The following SLC6A7 variants were observed in gnomAD, a reference collection of about 807,000 sequenced individuals.
SLC6A7 encodes solute carrier family 6 member 7.
SLC6A7 carries 58 observed loss-of-function variants against 73.1 expected under a neutral mutation model. The ratio of observed to expected loss-of-function variants is 0.79; its 90% CI spans 0.64 to 0.99. SLC6A7 has a LOEUF of 0.99. SLC6A7 is among the 50% of genes least tolerant of loss of function. SLC6A7 has a pLI of 0.00. For missense variants in SLC6A7, 783 were observed against 831.4 expected, an observed-to-expected ratio of 0.94 and a Z score of 0.72; for synonymous variants, 338 against 338.7, an observed-to-expected ratio of 1.00 and a Z score of 0.02.
intron 6 of SLC6A7, among the ~76,000 whole-genome samples, chr5:150,201,503 A>C (rs542596370): frequency 6.6e-6 from 1 of 152,330 alleles, no homozygotes; most frequent in South Asian, 2.1e-4. Flanking sequence ...TCATTTTTGT[A>C]GTGAGAACAC....
chr5:150,203,027 T>C (rs141308724), intron 8 of SLC6A7, among the ~76,000 whole-genome samples: 5 of 151,578 alleles, frequency 3.3e-5, no homozygotes, highest in African/African-American at 4.9e-5. Context: ...TGAGCCAAGA[T>C]TGGGTCACTG....
chr5:150,202,496 G>A (rs1412768186), intron 7 of SLC6A7, 46 bp downstream of exon 7: 2 of 1,610,212 alleles, frequency 1.2e-6, no homozygotes, highest in Non-Finnish European at 1.7e-6. Context: ...AAAGCAGGGA[G>A]GAGAGTGGCT....
intron 13 of SLC6A7, among the ~76,000 whole-genome samples, chr5:150,206,920 C>A (rs1403182063): frequency 6.6e-6 from 1 of 152,234 alleles, no homozygotes; most frequent in African/African-American, 2.4e-5. Flanking sequence ...TGCCCTGCTG[C>A]CCTGTCCCAC....
At position 150,197,072 on chromosome 5, in the gene SLC6A7, G is replaced by A. The variant is rs1753068709; in HGVS notation, c.380G>A (p.Gly127Asp). ...GGCGCAGCCATGCTGCTCATCGTGGGCTTGGTGGCCATCTACTACAACATG... is the reference window on the plus strand; with the variant it reads ...GGCGCAGCCATGCTGCTCATCGTGGACTTGGTGGCCATCTACTACAACATG... ...GAGAAMLLIV[G>D]LVAIYYNMII... The change falls in exon 4 of 14, where the codon GGC becomes GAC. Residue 127 changes from glycine to aspartate, a missense_variant. Gly to Asp is a moderately conservative substitution (Grantham distance 94). Coordinates refer to ENST00000230671, the MANE Select transcript of SLC6A7 (RefSeq NM_014228.5). 2 of 1,614,080 alleles carry A rather than the reference G, an allele frequency of 1.2e-6. No individual in the cohort carries two copies. The highest frequency in any genetic ancestry group is 1.3e-5 in the African/African-American group (1 of 75,082).
chr5:150,209,644 G>A lies in SLC6A7; in HGVS notation c.*29G>A, dbSNP rs1753874555. 2.0e-6 allele frequency: 3 copies of A among 1,527,220 alleles called. No individual in the cohort carries two copies. The East Asian group carries it at 7.2e-5, about 37-fold the overall frequency. The allele number at this position is 1,527,220 out of a possible 1,614,324, so 94.6% of individuals were successfully genotyped here. A position where few individuals can be genotyped will look rare whatever the true frequency, so the allele number is the denominator to read the frequency against. ...AGGAGGCAGGCGGGCAGAAGGCCCT[G>A]CCCGGGACCTCACAGTCCCTTCTTA... On this transcript the variant is annotated 3_prime_UTR_variant, in exon 14 of 14. Transcript: ENST00000230671.
intron 5 of SLC6A7, 71 bp downstream of exon 5, chr5:150,199,437 T>C: frequency 9.7e-7 from 1 of 1,034,306 alleles, no homozygotes; most frequent in Non-Finnish European, 1.5e-6. Context: ...AGGCAGGGCT[T>C]GGACTGAGCA....
rs1460255325 is a variant in SLC6A7, at chr5:150,201,179, C to G, written c.814C>G (p.Gln272Glu). 6.2e-7 allele frequency: 1 copy of G among 1,613,680 alleles called. No homozygotes were observed. Among genetic ancestry groups the G allele is most frequent in the Admixed American group, 1.7e-5 (1 of 59,952 alleles). Residue 272 changes from glutamine to glutamate, a missense_variant, in exon 6 of 14, where the codon CAG becomes GAG. Gln to Glu is a conservative substitution (Grantham distance 29). Transcript: ENST00000230671. ...CCTCCCAGGGGCCTGGAAGGGCATC[C>G]AGTTCTATCTCACCCCCCAGTTCCA... ...VTLPGAWKGI[Q>E]FYLTPQFHHL...
chr5:150,205,542 C>A lies in SLC6A7; in HGVS notation c.1620C>A (p.Ile540=), dbSNP rs769408819. The part of the protein sequence containing the change: ...RFPPWAELLG[I]LMGLLSCLMI... ...CGCCCTGGGCTGAGCTGCTGGGCAT[C>A]CTGATGGGCCTGCTGTCCTGCCTCA... Residue 540 remains isoleucine (I), a synonymous_variant, in exon 13 of 14, where the codon ATC becomes ATA. Transcript: ENST00000230671. 25 of 1,613,658 alleles carry A rather than the reference C, an allele frequency of 1.5e-5. No homozygotes were observed. Among genetic ancestry groups the A allele is most frequent in the Middle Eastern group, 3.3e-4 (2 of 6,056 alleles).
At position 150,204,025 on chromosome 5, in the gene SLC6A7, T is replaced by A; in HGVS notation, c.1319T>A (p.Ile440Asn). The change falls in exon 10 of 14, where the codon ATC becomes AAC. Residue 440 changes from isoleucine (I) to asparagine (N), a missense_variant. Coordinates refer to ENST00000230671, the MANE Select transcript of SLC6A7 (RefSeq NM_014228.5). Reference protein sequence around the residue: ...ICVAMYLMGLILTTDGGMYWL... With the variant: ...ICVAMYLMGLNLTTDGGMYWL... ...GTGGCCATGTACCTGATGGGGCTGATCCTCACCACTGATGTGAGTGGCGCT... is the reference window on the plus strand; with the variant it reads ...GTGGCCATGTACCTGATGGGGCTGAACCTCACCACTGATGTGAGTGGCGCT... 1 of 1,613,332 alleles carries A rather than the reference T, an allele frequency of 6.2e-7. No homozygotes were observed. Among genetic ancestry groups the A allele is most frequent in the Non-Finnish European group, 8.5e-7 (1 of 1,179,702 alleles).
In SLC6A7 at chr5:150,209,430, G is replaced by T; in HGVS notation, c.1726G>T (p.Ala576Ser). 1.9e-6 allele frequency: 3 copies of T among 1,613,776 alleles called. No homozygotes were observed. The highest frequency in any genetic ancestry group is 2.5e-6 in the Non-Finnish European group (3 of 1,180,024). Residue 576 changes from alanine (A) to serine (S), a missense_variant, in exon 14 of 14, where the codon GCC (alanine) becomes TCC (serine). Coordinates refer to ENST00000230671, the MANE Select transcript of SLC6A7 (RefSeq NM_014228.5). ...WERLQQASRP[A>S]MDWGPSLEEN... Reference sequence around the variant, plus strand: ...GCGGCTCCAACAGGCCAGCCGGCCGGCCATGGACTGGGGACCATCGCTGGA... The same window carrying T: ...GCGGCTCCAACAGGCCAGCCGGCCGTCCATGGACTGGGGACCATCGCTGGA...
Position 150,210,677 on chromosome 5 carries a change from C to T in SLC6A7, c.*1062C>T, listed in dbSNP as rs1753931584. 6.6e-6 allele frequency: 1 copy of T among 152,422 alleles called. No homozygotes were observed. The allele number at this position is 152,422 out of a possible 1,614,324, so 9.4% of individuals were successfully genotyped here. ...TTCCCATCTCCCTTGTCCTGGTGGC[C>T]TTCAGTGTCTCTTCCAGTTCCAGGA... On this transcript the variant is annotated 3_prime_UTR_variant, in exon 14 of 14. Coordinates refer to ENST00000230671, the MANE Select transcript of SLC6A7 (RefSeq NM_014228.5).
chr5:150,202,695 C>G lies in SLC6A7; in HGVS notation c.1079C>G (p.Ala360Gly). The G allele has an allele frequency of 6.2e-7, 1 of 1,614,048 alleles. No individual in the cohort carries two copies. Among genetic ancestry groups the G allele is most frequent in the Non-Finnish European group, 8.5e-7 (1 of 1,179,964 alleles). The change falls in exon 8 of 14, where the codon GCC (alanine) becomes GGC (glycine). Residue 360 changes from alanine (A) to glycine (G), a missense_variant. By Grantham distance (60) the Ala-to-Gly change is moderately conservative. Transcript: ENST00000230671. ...QELGVPVDQV[A>G]KAGPGLAFVV... is the part of the protein sequence containing the mutation. ...CTGGGCGTGCCTGTGGACCAAGTAG[C>G]CAAAGCAGGTGGGCAGGCTGCCAGG...
At chr5:150,202,732 T>C in intron 8 of SLC6A7, 29 bp downstream of exon 8, 6 of 1,611,790 alleles carry the variant, frequency 3.7e-6, no homozygotes, top group African/African-American at 1.3e-5. Flanking sequence ...CTCAGTGGGG[T>C]GAGCATGTGT....
chr5:150,190,373 G>A lies in SLC6A7; in HGVS notation c.33+13G>A. 1 of 1,485,166 alleles carries A rather than the reference G, an allele frequency of 6.7e-7. No individual in the cohort carries two copies. The allele number at this position is 1,485,166 out of a possible 1,614,324, so 92.0% of individuals were successfully genotyped here. On this transcript the variant is annotated intron_variant, in intron 1 of 13. Transcript: ENST00000230671. The stretch of plus-strand genomic sequence containing the variant: ...TCACCTCCGCAAGGTAGGGCACGAG[G>A]GCGGGGGCGCTGGGGGTGCACCTGG...
intron 1 of SLC6A7, among the ~76,000 whole-genome samples, chr5:150,191,316 T>G (rs2113962969): frequency 6.6e-6 from 1 of 152,170 alleles, no homozygotes; most frequent in African/African-American, 2.4e-5. Flanking sequence ...GTTATCAACC[T>G]CCCTACATAC....
intron 2 of SLC6A7, among the ~76,000 whole-genome samples, chr5:150,195,404 C>T (rs563664259): frequency 3.3e-5 from 5 of 152,348 alleles, no homozygotes; most frequent in Admixed American, 3.3e-4. Flanking sequence ...AACAAATTTC[C>T]TTTCATCCCT....
intron 4 of SLC6A7, 129 bp from the exon 5 acceptor site, chr5:150,199,099 T>G: frequency 7.9e-7 from 1 of 1,272,084 alleles, no homozygotes; most frequent in Non-Finnish European, 1.0e-6. Context: ...CGGAGAAGGA[T>G]GGAGAGGGAT....
chr5:150,202,996 C>T (rs1209527185), intron 8 of SLC6A7, among the ~76,000 whole-genome samples: 2 of 151,896 alleles, frequency 1.3e-5, no homozygotes, highest in Non-Finnish European at 2.9e-5. Context: ...ATCGCTTGAA[C>T]CCGGGAGGTG....
chr5:150,190,260 G>T lies in SLC6A7; in HGVS notation c.-68G>T, dbSNP rs1752711641. On this transcript the variant is annotated 5_prime_UTR_variant, in exon 1 of 14. Transcript: ENST00000230671. ...CGGGGGCAAAGGCGCAGTGGCCAGC[G>T]GACCATCTCTCGTGCCCTCGCTCTC... The T allele has an allele frequency of 2.4e-5, 33 of 1,361,374 alleles. 1 individual carries two copies. In the South Asian group the frequency reaches 3.6e-4, roughly 15 times the overall value. The allele number at this position is 1,361,374 out of a possible 1,614,324, so 84.3% of individuals were successfully genotyped here. A position where few individuals can be genotyped will look rare whatever the true frequency, so the allele number is the denominator to read the frequency against.
Sources: allele counts gnomAD v4.1 joint callset (sites outside exome capture counted in the v4.1 genomes callset), GRCh38; gene constraint gnomAD v4.1.1; transcripts MANE v1.5; gene names NCBI Gene and HGNC (gene_info 2026-07-23, HGNC 2026-07-21).